The following ARHGEF40 variants were observed in gnomAD, a reference collection of about 807,000 sequenced individuals.
The protein encoded by ARHGEF40 is Rho guanine nucleotide exchange factor 40, also known as Rho guanine nucleotide exchange factor (GEF) 40.
ARHGEF40 carries 98 observed loss-of-function variants against 165.9 expected under a neutral mutation model. That is an observed-to-expected ratio of 0.59 (90% CI 0.50 to 0.70). The LOEUF (loss-of-function observed/expected upper bound fraction) is 0.70. Among genes scored for constraint, ARHGEF40 ranks in the 30% least tolerant of loss-of-function variants. The pLI, the probability that ARHGEF40 is intolerant of heterozygous loss-of-function variation, is 0.00. For missense variants in ARHGEF40, 1,815 were observed against 1,968.0 expected (o/e 0.92, Z 1.47); for synonymous variants, 792 against 814.3 (o/e 0.97, Z 0.47).
rs1888623762 is a variant in ARHGEF40, at chr14:21,089,034, G to A, written c.*26G>A. 3 of 687,346 alleles carry A rather than the reference G, an allele frequency of 4.4e-6. No individual in the cohort carries two copies. Among genetic ancestry groups the A allele is most frequent in the African/African-American group, 1.8e-5 (1 of 54,960 alleles). The allele number at this position is 687,346 out of a possible 1,614,324, so 42.6% of individuals were successfully genotyped here. A position where few individuals can be genotyped will look rare whatever the true frequency, so the allele number is the denominator to read the frequency against. On this transcript the variant is annotated 3_prime_UTR_variant, in exon 24 of 24. Coordinates refer to ENST00000298694, the MANE Select transcript of ARHGEF40 (RefSeq NM_018071.5). ...TCTAGAGAAGATCCAGAACTTGCGT[G>A]CAGCTTCTCCTCTCAGCACACTTTG...
rs1887138716 is a variant in ARHGEF40, at chr14:21,073,391, G to A, written c.201+149G>A. On this transcript the variant is annotated intron_variant, in intron 2 of 23. Coordinates refer to ENST00000298694, the MANE Select transcript of ARHGEF40 (RefSeq NM_018071.5). The surrounding 1 kb of genome is among the most constrained non-coding windows in gnomAD (Gnocchi z 4.6). ...CAGAATCACTTAAGCTTCATTCTCT[G>A]ACCTCTCACAAACTTTGACCTTCAC... 4.2e-5 allele frequency: 38 copies of A among 914,476 alleles called. No homozygotes were observed. The South Asian group carries it at 6.2e-4, about 15-fold the overall frequency. 56.6% of individuals were successfully genotyped at this position (914,476 alleles called of 1,614,324 possible).
At chr14:21,081,098 G>C (rs1348614336) in intron 13 of ARHGEF40, 82 bp downstream of exon 13, 1 of 1,528,254 alleles carries the variant, frequency 6.5e-7, no homozygotes, top group Non-Finnish European at 8.8e-7. Flanking sequence ...TAATCAAGTT[G>C]TTAAAAGTGG....
Position 21,087,341 on chromosome 14 carries a change from T to C in ARHGEF40, c.4265T>C (p.Val1422Ala). 1 of 1,606,498 alleles carries C rather than the reference T, an allele frequency of 6.2e-7. No individual in the cohort carries two copies. Among genetic ancestry groups the C allele is most frequent in the Non-Finnish European group, 8.5e-7 (1 of 1,179,520 alleles). ...GCAGCCGCCCGCACCCGGGCCTCCG[T>C]GGCCGTGTCATCCTTTGAGCATGCC... ...TGRAARTRAS[V>A]AVSSFEHAGP... is the part of the protein sequence containing the mutation. The change falls in exon 21 of 24, where the codon GTG (valine) becomes GCG (alanine). Residue 1422 changes from valine to alanine, a missense_variant. Physicochemically the swap from Val to Ala is moderately conservative, Grantham distance 64. Transcript: ENST00000298694.
At chr14:21,081,314 A>T in intron 13 of ARHGEF40, 195 bp from the exon 14 acceptor site, 2 of 837,346 alleles carry the variant, frequency 2.4e-6, no homozygotes, top group Non-Finnish European at 3.6e-6. Flanking sequence ...TTATTCTTTT[A>T]TATAGGCTCT....
In ARHGEF40 at chr14:21,077,716, T is replaced by A. The variant is rs528151549; in HGVS notation, c.2035-461T>A. Among the ~76,000 whole-genome samples, 7 of 152,248 alleles carry A rather than the reference T, an allele frequency of 4.6e-5. No individual in the cohort carries two copies. The South Asian group carries it at 1.5e-3, about 32-fold the overall frequency. ...TCTCATGTAATTCTATGAATATAAG[T>A]GTTGTGAGTATTCAAGAAGAGAGAA... On this transcript the variant is annotated intron_variant, in intron 8 of 23. Coordinates refer to ENST00000298694, the MANE Select transcript of ARHGEF40 (RefSeq NM_018071.5).
intron 19 of ARHGEF40, 78 bp from the exon 20 acceptor site, chr14:21,086,923 G>GA: frequency 9.7e-7 from 1 of 1,033,246 alleles, no homozygotes; most frequent in Non-Finnish European, 1.4e-6. Flanking sequence ...AAAAAAAAAA[G>GA]AAAAAAATCA....
upstream of ARHGEF40, among the ~76,000 whole-genome samples, chr14:21,068,618 G>T (rs1015977003): frequency 6.6e-6 from 1 of 152,092 alleles, no homozygotes; most frequent in Non-Finnish European, 1.5e-5. Flanking sequence ...TGGACACCAG[G>T]GGGTAGCAAA....
chr14:21,068,818 C>G (rs536532980), upstream of ARHGEF40, among the ~76,000 whole-genome samples: 211 of 152,346 alleles, frequency 1.4e-3, 1 homozygote, highest in Non-Finnish European at 2.4e-3. Flanking sequence ...CTTCTTGCCT[C>G]TAAGAAGGAT....
At chr14:21,076,696 A>T in intron 7 of ARHGEF40, 53 bp downstream of exon 7, 1 of 1,608,994 alleles carries the variant, frequency 6.2e-7, no homozygotes, top group East Asian at 2.2e-5. Flanking sequence ...GGAGAGGAGA[A>T]GAGGCTGGCT....
chr14:21,087,206 C>T, intron 20 of ARHGEF40, 101 bp downstream of exon 20: 1 of 1,580,010 alleles, frequency 6.3e-7, no homozygotes, highest in Middle Eastern at 2.2e-4. Context: ...GGCATCTCGT[C>T]CCCAAATCAG....
Position 21,075,573 on chromosome 14 carries a change from G to A in ARHGEF40, c.1619-72G>A. Reference sequence around the variant, plus strand: ...CAATTGGGTGGGCTTGGGGACTGGGGGAGGCAGGGTGGAAAGGAGGTAGGC... The same window carrying A: ...CAATTGGGTGGGCTTGGGGACTGGGAGAGGCAGGGTGGAAAGGAGGTAGGC... On this transcript the variant is annotated intron_variant, in intron 4 of 23. Transcript: ENST00000298694. The surrounding 1 kb of genome is among the most constrained non-coding windows in gnomAD (Gnocchi z 4.5). The A allele has an allele frequency of 6.2e-7, 1 of 1,613,968 alleles. No homozygotes were observed. The highest frequency in any genetic ancestry group is 1.1e-5 in the South Asian group (1 of 91,082).
At chr14:21,067,921 C>T (rs1408285446), upstream of ARHGEF40, among the ~76,000 whole-genome samples, 1 of 151,620 alleles carries the variant, frequency 6.6e-6, no homozygotes, top group Non-Finnish European at 1.5e-5. Flanking sequence ...GTAACTGCAT[C>T]CCTGATTCTC....
Position 21,074,635 on chromosome 14 carries a change from G to A in ARHGEF40, c.905G>A (p.Gly302Glu). The change falls in exon 3 of 24, where the codon GGA becomes GAA. Residue 302 changes from glycine to glutamate, a missense_variant. Transcript: ENST00000298694. The surrounding 1 kb of genome is among the most constrained non-coding windows in gnomAD (Gnocchi z 4.8). ...GGCCTGGGGCCTCGGGGCCAGGATGGAGCACGCCCACCCGGCGAGGGGAGC... is the reference window on the plus strand; with the variant it reads ...GGCCTGGGGCCTCGGGGCCAGGATGAAGCACGCCCACCCGGCGAGGGGAGC... ...QKGLGPRGQD[G>E]ARPPGEGSST... 1 of 1,567,454 alleles carries A rather than the reference G, an allele frequency of 6.4e-7. No individual in the cohort carries two copies. Among genetic ancestry groups the A allele is most frequent in the Non-Finnish European group, 8.6e-7 (1 of 1,157,608 alleles).
In ARHGEF40 at chr14:21,085,715, C is replaced by T. The variant is rs775962180; in HGVS notation, c.3987C>T (p.Asn1329=). 1 of 1,614,112 alleles carries T rather than the reference C, an allele frequency of 6.2e-7. No homozygotes were observed. The highest frequency in any genetic ancestry group is 1.7e-5 in the Admixed American group (1 of 60,034). ...FKTADMGLTE[N]IGDSGLCFEL... ...CTGCTGATATGGGGCTGACAGAAAACATCGGGGACAGCGGACTCTGCTTTG... is the reference window on the plus strand; with the variant it reads ...CTGCTGATATGGGGCTGACAGAAAATATCGGGGACAGCGGACTCTGCTTTG... Residue 1329 remains asparagine, a synonymous_variant, in exon 19 of 24, where the codon AAC becomes AAT. Transcript: ENST00000298694.
chr14:21,079,914 G>T (rs1887737986), intron 11 of ARHGEF40, among the ~76,000 whole-genome samples: 1 of 152,122 alleles, frequency 6.6e-6, no homozygotes, highest in Non-Finnish European at 1.5e-5. Flanking sequence ...TGTTGGACAA[G>T]TCATGAAGCT....
At position 21,076,421 on chromosome 14, in the gene ARHGEF40, C is replaced by T. The variant is rs770728902; in HGVS notation, c.1801C>T (p.Pro601Ser). 2 of 1,613,814 alleles carry T rather than the reference C, an allele frequency of 1.2e-6. No individual in the cohort carries two copies. Among genetic ancestry groups the T allele is most frequent in the Non-Finnish European group, 1.7e-6 (2 of 1,180,040 alleles). Residue 601 changes from proline (P) to serine (S), a missense_variant, in exon 6 of 24, where the codon CCT becomes TCT. Pro to Ser is a moderately conservative substitution (Grantham distance 74). Coordinates refer to ENST00000298694, the MANE Select transcript of ARHGEF40 (RefSeq NM_018071.5). ...GGACCTTCGTCAGGCACCTCCACTG[C>T]CTCCAGCACTCATTCCTGCCTTGAG... is the stretch of plus-strand genomic sequence containing the variant. Reference protein sequence around the residue: ...LLDLRQAPPLPPALIPALSQL... With the variant: ...LLDLRQAPPLSPALIPALSQL...
Position 21,075,449 on chromosome 14 carries a change from AC to A in ARHGEF40, c.1571del (p.Pro524LeufsTer3). On this transcript the variant is annotated frameshift_variant, in exon 4 of 24. Coordinates refer to ENST00000298694, the MANE Select transcript of ARHGEF40 (RefSeq NM_018071.5). LOFTEE classifies it high-confidence loss of function. The surrounding 1 kb of genome is among the most constrained non-coding windows in gnomAD (Gnocchi z 4.5). ...GCCCTTGCAGTCTCCGTCTCTGATC[AC>A]CCTGATGTAGCTTGGGACTTGATGG... is the stretch of plus-strand genomic sequence containing the variant. Reference protein sequence around the residue: ...EEALAVSVSDHPDVAWDLMAS... With the variant: ...EEALAVSVSDXPDVAWDLMAS... 2.5e-6 allele frequency: 4 copies of A among 1,614,144 alleles called. No individual in the cohort carries two copies. The highest frequency in any genetic ancestry group is 3.4e-6 in the Non-Finnish European group (4 of 1,180,002).
In ARHGEF40 at chr14:21,072,462, A is replaced by T. The variant is rs1261736522; in HGVS notation, c.4-583A>T. On this transcript the variant is annotated intron_variant, in intron 1 of 23. Coordinates refer to ENST00000298694, the MANE Select transcript of ARHGEF40 (RefSeq NM_018071.5). This position sits in a 1 kb window ranked among gnomAD's most constrained non-coding sequence, Gnocchi z 4.1. Reference sequence around the variant, plus strand: ...GAGGGATGCTAGAAAGACCCAAGACAGTCACAGACAGTCTTTCCATCCTCC... The same window carrying T: ...GAGGGATGCTAGAAAGACCCAAGACTGTCACAGACAGTCTTTCCATCCTCC... Among the ~76,000 whole-genome samples, 8 of 152,166 alleles carry T rather than the reference A, an allele frequency of 5.3e-5. No homozygotes were observed. The highest frequency in any genetic ancestry group is 1.0e-4 in the Non-Finnish European group (7 of 68,018).
In ARHGEF40 at chr14:21,076,821, A is replaced by G. The variant is rs1247010792; in HGVS notation, c.1965A>G (p.Pro655=). 1.9e-6 allele frequency: 3 copies of G among 1,614,090 alleles called. No individual in the cohort carries two copies. The highest frequency in any genetic ancestry group is 1.7e-4 in the Middle Eastern group (1 of 5,988). ...SENDLKRVAK[P]EELQWELGGH... is the part of the protein sequence containing the mutation. ...ATGATCTGAAAAGAGTGGCCAAGCCAGAGGAGCTGCAGTGGGAGTTAGGAG... is the reference window on the plus strand; with the variant it reads ...ATGATCTGAAAAGAGTGGCCAAGCCGGAGGAGCTGCAGTGGGAGTTAGGAG... Residue 655 remains proline, a synonymous_variant, in exon 8 of 24, where the codon CCA becomes CCG. Transcript: ENST00000298694.
Sources: gnomAD v4.1 joint callset for allele counts (sites outside exome capture counted in the v4.1 genomes callset) on GRCh38, gnomAD v4.1.1 for gene constraint, Gnocchi (gnomAD v3.1) non-coding constraint, MANE v1.5 for transcripts, NCBI Gene and HGNC (gene_info 2026-07-23, HGNC 2026-07-21) for gene names.